The following TMED6 variants were observed in gnomAD, a reference collection of about 807,000 sequenced individuals.
The protein encoded by TMED6 is transmembrane p24 trafficking protein 6, also known as transmembrane emp24 domain-containing protein 6.
In TMED6, 17 loss-of-function variants were observed where a neutral mutation model predicts 26.5. The observed-to-expected ratio is 0.64, with a 90% CI of 0.44 to 0.96. The LOEUF (loss-of-function observed/expected upper bound fraction) is 0.96, where lower values mean the gene tolerates loss of function less well. Ranked by LOEUF, TMED6 falls within the 40% of genes least tolerant of loss-of-function variation. The probability of loss-of-function intolerance (pLI) is 0.00; values close to 1 mark genes in which losing one functional copy is unlikely to be tolerated. For synonymous variants in TMED6, 107 were observed against 106.2 expected, an observed-to-expected ratio of 1.01 and a Z score of -0.04; for missense variants, 309 against 296.5, an observed-to-expected ratio of 1.04 and a Z score of -0.31.
Position 69,343,460 on chromosome 16 carries a change from T to C in TMED6, c.670A>G (p.Lys224Glu). The C allele has an allele frequency of 6.2e-7, 1 of 1,614,176 alleles. No individual in the cohort carries two copies. The highest frequency in any genetic ancestry group is 8.5e-7 in the Non-Finnish European group (1 of 1,180,024). Reference protein sequence around the residue: ...LSGILQLYFLKRLFNVPTTTD... With the variant: ...LSGILQLYFLERLFNVPTTTD... ...GTTGTTGGAACATTGAAGAGACGCT[T>C]CAAGAAATACAGTTGCAGGATCCCA... Residue 224 changes from lysine (K) to glutamate (E), a missense_variant, in exon 4 of 4, where the codon AAG becomes GAG. Coordinates refer to ENST00000288025, the MANE Select transcript of TMED6 (RefSeq NM_144676.4).
intron 3 of TMED6, among the ~76,000 whole-genome samples, chr16:69,344,961 C>T (rs374522646): frequency 6.6e-6 from 1 of 151,816 alleles, no homozygotes; most frequent in African/African-American, 2.4e-5. Flanking sequence ...TGGTGGCACC[C>T]GCCTGTAATC....
intron 2 of TMED6, among the ~76,000 whole-genome samples, chr16:69,348,763 T>C (rs1207931313): frequency 6.6e-6 from 1 of 152,086 alleles, no homozygotes; most frequent in Non-Finnish European, 1.5e-5. Context: ...TACAGGCGCC[T>C]GCCACCACAC....
At chr16:69,348,034 C>T in intron 2 of TMED6, 98 bp from the exon 3 acceptor site, 1 of 1,280,886 alleles carries the variant, frequency 7.8e-7, no homozygotes, top group African/African-American at 1.5e-5. Context: ...AATTCTACTA[C>T]AGGACCTTCT....
intron 3 of TMED6, among the ~76,000 whole-genome samples, chr16:69,345,678 CAAAAAAA>C (rs34468905): frequency 6.1e-3 from 264 of 43,412 alleles, no homozygotes; most frequent in African/African-American, 7.1e-3. Flanking sequence ...CTGACTCTCT[CAAAAAAA>C]AAAAAAAAAA....
chr16:69,343,853 G>A (rs992602456), intron 3 of TMED6, among the ~76,000 whole-genome samples: 3 of 152,222 alleles, frequency 2.0e-5, no homozygotes, highest in Non-Finnish European at 2.9e-5. Context: ...TTATGAGACA[G>A]GGTCTCACTT....
At position 69,351,697 on chromosome 16, in the gene TMED6, G is replaced by A. The variant is rs774892337; in HGVS notation, c.57C>T (p.Ala19=). The A allele has an allele frequency of 1.2e-6, 2 of 1,613,740 alleles. No homozygotes were observed. The highest frequency in any genetic ancestry group is 1.7e-6 in the Non-Finnish European group (2 of 1,179,998). ...TTAGAGGTTCTGTCTTCTGGCTCCT[G>A]GCAGACGTCACTAGATTCAGAACGA... ...GLVVLNLVTS[A]RSQKTEPLSG... is the part of the protein sequence containing the mutation. The change falls in exon 1 of 4, where the codon GCC becomes GCT. Residue 19 remains alanine (A), a synonymous_variant. Transcript: ENST00000288025.
rs755262774 is a variant in TMED6 at position 69,347,981 on chromosome 16, C to T, written c.341-45G>A. On this transcript the variant is annotated intron_variant, in intron 2 of 3. Coordinates refer to ENST00000288025, the MANE Select transcript of TMED6 (RefSeq NM_144676.4). ...ATTACCAAGTCTTTGGTCTCCTCCC[C>T]TTTGTTAAGGATTCCCTGGAGGTAT... 5 of 1,604,504 alleles carry T rather than the reference C, an allele frequency of 3.1e-6. No individual in the cohort carries two copies. The East Asian group carries it at 8.9e-5, about 29-fold the overall frequency.
At chr16:69,344,657 C>T (rs903080105) in intron 3 of TMED6, among the ~76,000 whole-genome samples, 1 of 151,500 alleles carries the variant, frequency 6.6e-6, no homozygotes, top group African/African-American at 2.4e-5. Context: ...CCTGTAATCC[C>T]AGCTACTCGG....
chr16:69,348,474 G>T (rs868277083), intron 2 of TMED6: 11 of 152,322 alleles, frequency 7.2e-5, no homozygotes, highest in African/African-American at 2.7e-4. Flanking sequence ...GGGGGAGGGG[G>T]GCGCGGGGTG....
intron 1 of TMED6, among the ~76,000 whole-genome samples, 197 bp downstream of exon 1, chr16:69,351,344 A>C (rs895321762): frequency 1.1e-4 from 16 of 152,212 alleles, no homozygotes; most frequent in South Asian, 1.0e-3. Context: ...TAAGAAGCCA[A>C]ACCATATGTT....
chr16:69,349,884 C>T (rs768482548), intron 1 of TMED6, among the ~76,000 whole-genome samples: 3 of 152,164 alleles, frequency 2.0e-5, no homozygotes, highest in African/African-American at 4.8e-5. Flanking sequence ...AGAAACAGTA[C>T]AGCAGGACAA....
chr16:69,349,692 A>C, intron 1 of TMED6, 41 bp from the exon 2 acceptor site: 1 of 1,596,820 alleles, frequency 6.3e-7, no homozygotes, highest in South Asian at 1.1e-5. Context: ...CCCCTGCTAC[A>C]TCACGAGGAA....
At position 69,343,469 on chromosome 16, in the gene TMED6, A is replaced by G. The variant is rs748714749; in HGVS notation, c.661T>C (p.Tyr221His). ...ACATTGAAGAGACGCTTCAAGAAAT[A>G]CAGTTGCAGGATCCCAGAAAGAATA... ...VIILSGILQLYFLKRLFNVPT... is the reference protein window; with the variant it reads ...VIILSGILQLHFLKRLFNVPT... The change falls in exon 4 of 4, where the codon TAT becomes CAT. Residue 221 changes from tyrosine to histidine, a missense_variant. By Grantham distance (83) the Tyr-to-His change is moderately conservative. Transcript: ENST00000288025. 10 of 1,614,088 alleles carry G rather than the reference A, an allele frequency of 6.2e-6. No individual in the cohort carries two copies. Among genetic ancestry groups the G allele is most frequent in the East Asian group, 4.5e-5 (2 of 44,896 alleles).
At chr16:69,346,243 G>A (rs2012684483) in intron 3 of TMED6, among the ~76,000 whole-genome samples, 1 of 152,100 alleles carries the variant, frequency 6.6e-6, no homozygotes, top group Non-Finnish European at 1.5e-5. Context: ...TCCACTTTCA[G>A]GTATACACAG....
rs770463638 is a variant in TMED6 at position 69,351,506 on chromosome 16, A to C, written c.213+35T>G. ...CCACTTTATGAGTAAAGGAGAAAAA[A>C]AAAAGCCCCCCAGTATGGCCAGTCA... On this transcript the variant is annotated intron_variant, in intron 1 of 3. Coordinates refer to ENST00000288025, the MANE Select transcript of TMED6 (RefSeq NM_144676.4). The C allele has an allele frequency of 1.4e-5, 22 of 1,594,694 alleles. No homozygotes were observed. The Admixed American group carries it at 1.9e-4, about 14-fold the overall frequency.
chr16:69,344,705 A>C (rs1170723493), intron 3 of TMED6, among the ~76,000 whole-genome samples: 1 of 147,688 alleles, frequency 6.8e-6, no homozygotes, highest in Non-Finnish European at 1.5e-5. Flanking sequence ...CCCGGGAGGC[A>C]GAGGTTGCAG....
chr16:69,351,199 A>G (rs977356909), intron 1 of TMED6, among the ~76,000 whole-genome samples: 2 of 152,170 alleles, frequency 1.3e-5, no homozygotes, highest in African/African-American at 4.8e-5. Context: ...CCAAAGCACC[A>G]TTATCCAATT....
rs767230874 is a variant in TMED6, at chr16:69,351,747, G to A, written c.7C>T (p.Pro3Ser). The A allele has an allele frequency of 6.2e-7, 1 of 1,612,070 alleles. No individual in the cohort carries two copies. Among genetic ancestry groups the A allele is most frequent in the Non-Finnish European group, 8.5e-7 (1 of 1,179,464 alleles). Residue 3 changes from proline (P) to serine (S), a missense_variant, in exon 1 of 4, where the codon CCT becomes TCT. Pro to Ser is a moderately conservative substitution (Grantham distance 74). Transcript: ENST00000288025. The stretch of plus-strand genomic sequence containing the variant: ...ACCAGCCCAGCCCCAAAGAGCAAAG[G>A]GGACATGCCGCTTTCTGGAGCCTCC... MS[P>S]LLFGAGLVVL...
At chr16:69,343,700 C>T (rs1171540979) in intron 3 of TMED6, 60 bp from the exon 4 acceptor site, 10 of 1,389,116 alleles carry the variant, frequency 7.2e-6, no homozygotes, top group Middle Eastern at 2.2e-4. Flanking sequence ...CTCACCTGAG[C>T]GCTCACTAGC....
Sources: allele counts gnomAD v4.1 joint callset (sites outside exome capture counted in the v4.1 genomes callset), GRCh38; gene constraint gnomAD v4.1.1; transcripts MANE v1.5; gene names NCBI Gene and HGNC (gene_info 2026-07-23, HGNC 2026-07-21).